Variants in RNF44 observed in about 807,000 individuals in gnomAD.
RNF44 encodes the protein ring finger protein 44.
A neutral mutation model predicts 53.6 loss-of-function variants in RNF44; 25 were observed. The ratio of observed to expected loss-of-function variants is 0.47; its 90% CI spans 0.34 to 0.65. RNF44 has a LOEUF of 0.65. Among genes scored for constraint, RNF44 ranks in the 30% least tolerant of loss-of-function variants. The pLI is 0.01. For synonymous variants in RNF44, 282 were observed against 252.2 expected (o/e 1.12, Z -1.12); for missense variants, 581 against 595.5 (o/e 0.98, Z 0.25).
In RNF44 at chr5:176,528,782, G is replaced by A; in HGVS notation, c.*246C>T. ...GTGCACAGGAGGGAGACCCGATCAG[G>A]GACACTCAGGCAGCTCCGTGGCGGG... On this transcript the variant is annotated 3_prime_UTR_variant, in exon 11 of 11. Coordinates refer to ENST00000274811, the MANE Select transcript of RNF44 (RefSeq NM_014901.5). 1.7e-6 allele frequency: 1 copy of A among 578,894 alleles called. No homozygotes were observed. The highest frequency in any genetic ancestry group is 2.9e-5 in the East Asian group (1 of 34,764). The allele number at this position is 578,894 out of a possible 1,614,324, so 35.9% of individuals were successfully genotyped here. A position where few individuals can be genotyped will look rare whatever the true frequency, so the allele number is the denominator to read the frequency against.
chr5:176,531,618 G>A lies in RNF44; in HGVS notation c.310C>T (p.Pro104Ser), dbSNP rs754364657. ...GTGACCGTGTAGGACAGAGGGACAGGTCCCTGGTGCACCTGTGGGTGGAGA... is the reference window on the plus strand; with the variant it reads ...GTGACCGTGTAGGACAGAGGGACAGATCCCTGGTGCACCTGTGGGTGGAGA... ...VDLHEQVHQGPVPLSYTVTTV... is the reference protein window; with the variant it reads ...VDLHEQVHQGSVPLSYTVTTV... The change falls in exon 4 of 11, where the codon CCT becomes TCT. Residue 104 changes from proline (P) to serine (S), a missense_variant. Pro to Ser is a moderately conservative substitution (Grantham distance 74). This residue lies in a region of RNF44 where 387 missense variants were observed against 366.0 expected (regional missense o/e 1.06). Transcript: ENST00000274811. The surrounding 1 kb of genome is among the most constrained non-coding windows in gnomAD (Gnocchi z 4.2). The A allele has an allele frequency of 6.2e-7, 1 of 1,611,182 alleles. No individual in the cohort carries two copies. The highest frequency in any genetic ancestry group is 1.1e-5 in the South Asian group (1 of 90,894).
At chr5:176,532,225 T>G in intron 2 of RNF44, 32 bp from the exon 3 acceptor site, 1 of 1,491,040 alleles carries the variant, frequency 6.7e-7, no homozygotes. Flanking sequence ...CCGATAGGAC[T>G]GAGGGGGGCC....
intron 1 of RNF44, among the ~76,000 whole-genome samples, chr5:176,532,747 CAAAAA>C (rs3051911): frequency 1.1e-4 from 8 of 72,592 alleles, no homozygotes; most frequent in African/African-American, 3.2e-4. Flanking sequence ...ACTCCCGTCT[CAAAAA>C]AAAAAAAAAA....
chr5:176,537,113 G>T lies in RNF44; in HGVS notation c.-218C>A, dbSNP rs1757271620. 1 of 152,108 alleles carries T rather than the reference G, an allele frequency of 6.6e-6. No homozygotes were observed. The highest frequency in any genetic ancestry group is 2.1e-4 in the South Asian group (1 of 4,826). 9.4% of individuals were successfully genotyped at this position (152,108 alleles called of 1,614,324 possible). ...GTCCGGGGGCAGCCCGGCTCCTTCC[G>T]GGGCCTCTCTCTTTGTTGTCCGCCC... On this transcript the variant is annotated 5_prime_UTR_variant, in exon 1 of 11. Transcript: ENST00000274811.
At position 176,528,946 on chromosome 5, in the gene RNF44, T is replaced by C; in HGVS notation, c.*82A>G. ...GAGCGAAGGGGCAGGCCTGGGCCAC[T>C]CCCTCCCCATCCTCCCTGGGCCCCA... On this transcript the variant is annotated 3_prime_UTR_variant, in exon 11 of 11. Transcript: ENST00000274811. 7.2e-7 allele frequency: 1 copy of C among 1,385,374 alleles called. No individual in the cohort carries two copies. The highest frequency in any genetic ancestry group is 1.0e-6 in the Non-Finnish European group (1 of 996,600). The allele number at this position is 1,385,374 out of a possible 1,614,324, so 85.8% of individuals were successfully genotyped here. A position where few individuals can be genotyped will look rare whatever the true frequency, so the allele number is the denominator to read the frequency against.
chr5:176,535,572 T>C (rs901396770), intron 1 of RNF44, among the ~76,000 whole-genome samples: 1 of 152,188 alleles, frequency 6.6e-6, no homozygotes, highest in Non-Finnish European at 1.5e-5. Flanking sequence ...GAGAACGGAA[T>C]TGGTCCTAGT....
intron 10 of RNF44, 38 bp from the exon 11 acceptor site, chr5:176,529,128 C>T: frequency 3.7e-6 from 6 of 1,609,164 alleles, no homozygotes; most frequent in Non-Finnish European, 4.2e-6. Flanking sequence ...CTCTCACCAG[C>T]CCCAACCCAC....
chr5:176,534,517 A>C (rs1287540664), intron 1 of RNF44, among the ~76,000 whole-genome samples: 2 of 152,236 alleles, frequency 1.3e-5, no homozygotes, highest in African/African-American at 4.8e-5. Context: ...GGAAATCCCC[A>C]AATAACTGAA....
chr5:176,527,630 G>A lies in RNF44; in HGVS notation c.*1398C>T, dbSNP rs575757069. 1 of 152,534 alleles carries A rather than the reference G, an allele frequency of 6.6e-6. No homozygotes were observed. The highest frequency in any genetic ancestry group is 1.9e-4 in the East Asian group (1 of 5,186). 9.4% of individuals were successfully genotyped at this position (152,534 alleles called of 1,614,324 possible). A position where few individuals can be genotyped will look rare whatever the true frequency, so the allele number is the denominator to read the frequency against. The stretch of plus-strand genomic sequence containing the variant: ...GAGCCAGGGCCACTGCGAGGAGAAC[G>A]AGGGTGGTTGGAGCATCCCTGAGGC... On this transcript the variant is annotated 3_prime_UTR_variant, in exon 11 of 11. Coordinates refer to ENST00000274811, the MANE Select transcript of RNF44 (RefSeq NM_014901.5).
In RNF44 at chr5:176,530,482, G is replaced by C. The variant is rs968460114; in HGVS notation, c.801+100C>G. ...GCCCACGTGCAAGTCAGCCCGGTGG[G>C]CCTGCCTCCCAGCTGCCTGGGAGCC... On this transcript the variant is annotated intron_variant, in intron 6 of 10. Coordinates refer to ENST00000274811, the MANE Select transcript of RNF44 (RefSeq NM_014901.5). 4 of 1,259,848 alleles carry C rather than the reference G, an allele frequency of 3.2e-6. No homozygotes were observed. The Admixed American group carries it at 1.6e-4, about 51-fold the overall frequency. 78.0% of individuals were successfully genotyped at this position (1,259,848 alleles called of 1,614,324 possible). A position where few individuals can be genotyped will look rare whatever the true frequency, so the allele number is the denominator to read the frequency against.
chr5:176,540,603 G>A (rs969685447), upstream of RNF44, among the ~76,000 whole-genome samples: 2 of 152,164 alleles, frequency 1.3e-5, no homozygotes, highest in Admixed American at 6.5e-5. Context: ...TGTGACTGCT[G>A]CCCCTGCTCC....
At chr5:176,535,363 C>T (rs917887735) in intron 1 of RNF44, among the ~76,000 whole-genome samples, 5 of 152,192 alleles carry the variant, frequency 3.3e-5, no homozygotes, top group Non-Finnish European at 5.9e-5. Context: ...CAACCTCAAG[C>T]AGAGCTTGAA....
chr5:176,531,399 T>A lies in RNF44; in HGVS notation c.465+64A>T. 1 of 1,486,010 alleles carries A rather than the reference T, an allele frequency of 6.7e-7. No homozygotes were observed. Among genetic ancestry groups the A allele is most frequent in the African/African-American group, 1.4e-5 (1 of 72,230 alleles). The allele number at this position is 1,486,010 out of a possible 1,614,324, so 92.1% of individuals were successfully genotyped here. ...CAGTTCAGGGCTGCCCTGGGCCCGC[T>A]GAGCCGCTGGCCTGTGCCTGGGGCT... is the stretch of plus-strand genomic sequence containing the variant. On this transcript the variant is annotated intron_variant, in intron 4 of 10. Coordinates refer to ENST00000274811, the MANE Select transcript of RNF44 (RefSeq NM_014901.5). The surrounding 1 kb of genome is among the most constrained non-coding windows in gnomAD (Gnocchi z 4.2).
At chr5:176,541,105 G>A (rs1757438570), upstream of RNF44, among the ~76,000 whole-genome samples, 1 of 152,164 alleles carries the variant, frequency 6.6e-6, no homozygotes, top group Non-Finnish European at 1.5e-5. Flanking sequence ...CCATGGAGGG[G>A]CAGACCCTCG....
Position 176,531,938 on chromosome 5 carries a change from C to T in RNF44, c.297+66G>A. 8 of 1,484,858 alleles carry T rather than the reference C, an allele frequency of 5.4e-6. No homozygotes were observed. Among genetic ancestry groups the T allele is most frequent in the Non-Finnish European group, 7.3e-6 (8 of 1,100,356 alleles). 92.0% of individuals were successfully genotyped at this position (1,484,858 alleles called of 1,614,324 possible). A position where few individuals can be genotyped will look rare whatever the true frequency, so the allele number is the denominator to read the frequency against. On this transcript the variant is annotated intron_variant, in intron 3 of 10. Transcript: ENST00000274811. The surrounding 1 kb of genome is among the most constrained non-coding windows in gnomAD (Gnocchi z 4.2). Reference sequence around the variant, plus strand: ...GAAGCAAGCTAGGTGAAATCTAGGCCTTGCTGCCTCTGCCTCTCAGACTGG... The same window carrying T: ...GAAGCAAGCTAGGTGAAATCTAGGCTTTGCTGCCTCTGCCTCTCAGACTGG...
chr5:176,531,144 G>A lies in RNF44; in HGVS notation c.466-123C>T. 4.2e-6 allele frequency: 3 copies of A among 722,690 alleles called. No homozygotes were observed. Among genetic ancestry groups the A allele is most frequent in the Non-Finnish European group, 6.4e-6 (3 of 471,514 alleles). 44.8% of individuals were successfully genotyped at this position (722,690 alleles called of 1,614,324 possible). ...CCCAGCAGCTCCAGGGTCTGTATAA[G>A]AAACCCTGTGGAAGGCCCATCCCTG... On this transcript the variant is annotated intron_variant, in intron 4 of 10. Coordinates refer to ENST00000274811, the MANE Select transcript of RNF44 (RefSeq NM_014901.5). This position sits in a 1 kb window ranked among gnomAD's most constrained non-coding sequence, Gnocchi z 4.2.
chr5:176,529,405 G>A lies in RNF44; in HGVS notation c.1137-18C>T. The A allele has an allele frequency of 1.9e-6, 3 of 1,606,668 alleles. No individual in the cohort carries two copies. Among genetic ancestry groups the A allele is most frequent in the Non-Finnish European group, 2.6e-6 (3 of 1,174,952 alleles). On this transcript the variant is annotated intron_variant, in intron 9 of 10. Coordinates refer to ENST00000274811, the MANE Select transcript of RNF44 (RefSeq NM_014901.5). ...CCACACACCTGTGGAGGGGCGCGGAGCGTCACCTCCACGCTGAGGGCCATG... is the reference window on the plus strand; with the variant it reads ...CCACACACCTGTGGAGGGGCGCGGAACGTCACCTCCACGCTGAGGGCCATG...
chr5:176,533,488 TGTGCTCTGCTGCCGACG>T (rs1442781659), intron 1 of RNF44, among the ~76,000 whole-genome samples: 1 of 152,182 alleles, frequency 6.6e-6, no homozygotes, highest in Non-Finnish European at 1.5e-5. Flanking sequence ...AGCCTCTCCC[TGTGCTCTGCTGCCGACG>T]GAGAGGACCA....
intron 1 of RNF44, among the ~76,000 whole-genome samples, chr5:176,535,514 CTG>C: frequency 6.6e-6 from 1 of 152,312 alleles, no homozygotes; most frequent in African/African-American, 2.4e-5. Flanking sequence ...GCTGAGAAAA[CTG>C]GAGCCGAGAG....
Sources: allele counts gnomAD v4.1 joint callset (sites outside exome capture counted in the v4.1 genomes callset), GRCh38; gene constraint gnomAD v4.1.1; regional missense constraint gnomAD v4.1.1; non-coding constraint Gnocchi (gnomAD v3.1); transcripts MANE v1.5; gene names NCBI Gene and HGNC (gene_info 2026-07-23, HGNC 2026-07-21).